The following UBOX5 variants were observed in gnomAD, a reference collection of about 807,000 sequenced individuals.
The protein encoded by UBOX5 is U-box domain containing 5, also known as RING finger protein 37.
Under a neutral mutation model 39.0 loss-of-function variants are expected in UBOX5, and 28 were observed. That is an observed-to-expected ratio of 0.72 (90% CI 0.53 to 0.98). The LOEUF is 0.98. Ranked by LOEUF, UBOX5 falls within the 50% of genes least tolerant of loss-of-function variation. The probability of loss-of-function intolerance (pLI) is 0.00; values close to 1 mark genes in which losing one functional copy is unlikely to be tolerated. For missense variants in UBOX5, 585 were observed against 674.4 expected (o/e 0.87, Z 1.47); for synonymous variants, 283 against 275.5 (o/e 1.03, Z -0.27).
At chr20:3,115,973 A>G (rs2148589001) in intron 3 of UBOX5, among the ~76,000 whole-genome samples, 1 of 152,000 alleles carries the variant, frequency 6.6e-6, no homozygotes, top group South Asian at 2.1e-4. Context: ...CATGTTGGCT[A>G]GGAGATCTCC....
intron 1 of UBOX5, among the ~76,000 whole-genome samples, chr20:3,132,081 G>A (rs925996547): frequency 1.5e-4 from 22 of 150,834 alleles, no homozygotes; most frequent in Admixed American, 2.7e-4. Context: ...AGGCCAAGGC[G>A]TGAGGATCAG....
At chr20:3,157,837 AAGGCTGTATAG>A (rs1302842545) in intron 1 of UBOX5, among the ~76,000 whole-genome samples, 11 of 152,226 alleles carry the variant, frequency 7.2e-5, no homozygotes, top group Admixed American at 1.3e-4. Flanking sequence ...TACAATTTGC[AAGGCTGTATAG>A]AGGCTGTATA....
chr20:3,137,700 A>G (rs1334345699), intron 1 of UBOX5, among the ~76,000 whole-genome samples: 2 of 152,196 alleles, frequency 1.3e-5, no homozygotes, highest in Admixed American at 1.3e-4. Context: ...GTTCAGTGCA[A>G]TTTTACTCTA....
At chr20:3,143,944 C>A (rs986185826) in intron 1 of UBOX5, among the ~76,000 whole-genome samples, 22 of 151,988 alleles carry the variant, frequency 1.4e-4, no homozygotes, top group Admixed American at 7.2e-4. Context: ...GGTGACAGAG[C>A]GAGACCCTAT....
In UBOX5 at chr20:3,123,164, G is replaced by A. The variant is rs1271246360; in HGVS notation, c.54+148C>T. On this transcript the variant is annotated intron_variant, in intron 2 of 4. Coordinates refer to ENST00000217173, the MANE Select transcript of UBOX5 (RefSeq NM_014948.4). ...GATTCTAGAGGTGAGCCTGCCCCAT[G>A]CTTACCTAAATACCATCTGATGGAA... The A allele has an allele frequency of 3.8e-6, 3 of 783,812 alleles. No individual in the cohort carries two copies. In the East Asian group the frequency reaches 8.1e-5, roughly 21 times the overall value. The allele number at this position is 783,812 out of a possible 1,614,324, so 48.6% of individuals were successfully genotyped here.
chr20:3,126,533 A>G (rs2148599995), intron 1 of UBOX5, among the ~76,000 whole-genome samples: 1 of 151,510 alleles, frequency 6.6e-6, no homozygotes, highest in Admixed American at 6.6e-5. Flanking sequence ...AAGAAAAGAA[A>G]AAGAAAAAAA....
chr20:3,114,365 G>A lies in UBOX5; in HGVS notation c.1417+940C>T, dbSNP rs936763162. Among the ~76,000 whole-genome samples the A allele has an allele frequency of 6.6e-5, 10 of 152,250 alleles. No individual in the cohort carries two copies. The East Asian group carries it at 1.3e-3, about 21-fold the overall frequency. On this transcript the variant is annotated intron_variant, in intron 4 of 4. Coordinates refer to ENST00000217173, the MANE Select transcript of UBOX5 (RefSeq NM_014948.4). The stretch of plus-strand genomic sequence containing the variant: ...AAGATAGGAGAAAAGAAGCAAAACA[G>A]CCTAAAAGCCAAGAGAGAAGGCGTT...
chr20:3,146,208 A>C (rs1333905266), intron 1 of UBOX5, among the ~76,000 whole-genome samples: 1 of 151,838 alleles, frequency 6.6e-6, no homozygotes, highest in East Asian at 1.9e-4. Flanking sequence ...AGGTGTAGTG[A>C]TACGCGCCTG....
chr20:3,136,022 A>G (rs1294579052), intron 1 of UBOX5: 2 of 152,176 alleles, frequency 1.3e-5, no homozygotes, highest in African/African-American at 4.8e-5. Flanking sequence ...GCAATTCTGA[A>G]CCACTTAGAG....
At chr20:3,136,296 T>C (rs2066471138) in intron 1 of UBOX5, 2 of 151,670 alleles carry the variant, frequency 1.3e-5, no homozygotes, top group African/African-American at 2.4e-5. Flanking sequence ...CTATGTATAA[T>C]GTATTACTGA....
intron 3 of UBOX5, among the ~76,000 whole-genome samples, chr20:3,120,115 G>A (rs146683455): frequency 1.3e-3 from 205 of 152,204 alleles, no homozygotes; most frequent in Non-Finnish European, 2.7e-3. Context: ...TTAGGAAGCC[G>A]AGGCAGGTGG....
At chr20:3,129,069 A>G (rs907135130) in intron 1 of UBOX5, among the ~76,000 whole-genome samples, 1 of 152,168 alleles carries the variant, frequency 6.6e-6, no homozygotes, top group African/African-American at 2.4e-5. Flanking sequence ...ATCTCAGCTC[A>G]TGAGGCTTCT....
chr20:3,132,519 A>G (rs1251795261), intron 1 of UBOX5, among the ~76,000 whole-genome samples: 4 of 152,094 alleles, frequency 2.6e-5, no homozygotes, highest in African/African-American at 7.2e-5. Flanking sequence ...TAATAATAAC[A>G]AAGAAATGGC....
chr20:3,139,813 G>A (rs1268222722), intron 1 of UBOX5, among the ~76,000 whole-genome samples: 2 of 151,688 alleles, frequency 1.3e-5, no homozygotes, highest in South Asian at 2.1e-4. Flanking sequence ...GGGTTCAAGC[G>A]ATTCTCCTGC....
In UBOX5 at chr20:3,150,761, T is replaced by C. The variant is rs965425242; in HGVS notation, c.-42+9005A>G. 3 of 152,218 alleles carry C rather than the reference T, an allele frequency of 2.0e-5. No individual in the cohort carries two copies. The South Asian group carries it at 6.2e-4, about 31-fold the overall frequency. 9.4% of individuals were successfully genotyped at this position (152,218 alleles called of 1,614,324 possible). A position where few individuals can be genotyped will look rare whatever the true frequency, so the allele number is the denominator to read the frequency against. ...GGGCAGGTCAGTGGCTCTGTTCCAG[T>C]AGCCCAGCTACACAGGCTTCTCTAG... On this transcript the variant is annotated intron_variant, in intron 1 of 4. Coordinates refer to ENST00000217173, the MANE Select transcript of UBOX5 (RefSeq NM_014948.4).
intron 1 of UBOX5, among the ~76,000 whole-genome samples, chr20:3,137,155 G>A (rs1378398136): frequency 6.7e-6 from 1 of 148,640 alleles, no homozygotes; most frequent in Non-Finnish European, 1.5e-5. Flanking sequence ...ATGGTAGCCA[G>A]GATGGTCTCG....
Position 3,122,152 on chromosome 20 carries a change from C to T in UBOX5, c.487G>A (p.Gly163Arg). ...AVVAQELWNK[G>R]ALSLSHVAHL... ...GCCACGTGGCTAAGGGAAAGAGCCC[C>T]TTTATTCCAGAGCTCCTGGGCCACA... The change falls in exon 3 of 5, where the codon GGG (glycine) becomes AGG (arginine). Residue 163 changes from glycine (G) to arginine (R), a missense_variant. Coordinates refer to ENST00000217173, the MANE Select transcript of UBOX5 (RefSeq NM_014948.4). 1 of 1,614,126 alleles carries T rather than the reference C, an allele frequency of 6.2e-7. No individual in the cohort carries two copies. The highest frequency in any genetic ancestry group is 1.1e-5 in the South Asian group (1 of 91,074).
chr20:3,117,761 G>A (rs1460025795), intron 3 of UBOX5, among the ~76,000 whole-genome samples: 1 of 152,022 alleles, frequency 6.6e-6, no homozygotes, highest in Admixed American at 6.6e-5. Flanking sequence ...GGAGGCTGAG[G>A]CAGGCAGATC....
chr20:3,141,508 G>C (rs1239037163), intron 1 of UBOX5, among the ~76,000 whole-genome samples: 1 of 151,718 alleles, frequency 6.6e-6, no homozygotes, highest in African/African-American at 2.4e-5. Flanking sequence ...AGTTAGCTGG[G>C]GGTGGTGCAT....
Sources: allele counts gnomAD v4.1 joint callset (sites outside exome capture counted in the v4.1 genomes callset), GRCh38; gene constraint gnomAD v4.1.1; transcripts MANE v1.5; gene names NCBI Gene and HGNC (gene_info 2026-07-23, HGNC 2026-07-21).